Variants in IGF1R observed in about 807,000 individuals in gnomAD.
IGF1R encodes insulin-like growth factor 1 receptor.
A neutral mutation model predicts 144.6 loss-of-function variants in IGF1R; 44 were observed. The ratio of observed to expected loss-of-function variants is 0.30; its 90% CI spans 0.24 to 0.39. The LOEUF (loss-of-function observed/expected upper bound fraction) is 0.39. Ranked by LOEUF, IGF1R falls within the 10% of genes least tolerant of loss-of-function variation. IGF1R has a pLI of 1.00. For missense variants in IGF1R, 1,355 were observed against 1,833.7 expected, an observed-to-expected ratio of 0.74 and a Z score of 4.77; for synonymous variants, 795 against 722.8, an observed-to-expected ratio of 1.10 and a Z score of -1.60.
intron 2 of IGF1R, among the ~76,000 whole-genome samples, chr15:98,782,393 C>CATG (rs1316999836): frequency 6.6e-6 from 1 of 152,066 alleles, no homozygotes; most frequent in Non-Finnish European, 1.5e-5. Flanking sequence ...TTTTAAATGT[C>CATG]ACCATCCCCT....
At chr15:98,816,626 C>A (rs114084550) in intron 2 of IGF1R, among the ~76,000 whole-genome samples, 8 of 152,340 alleles carry the variant, frequency 5.3e-5, no homozygotes, top group African/African-American at 1.9e-4. Flanking sequence ...ATAATAAACA[C>A]TGGGGACTTC....
intron 5 of IGF1R, among the ~76,000 whole-genome samples, chr15:98,906,322 T>C (rs1238272934): frequency 6.6e-6 from 1 of 152,186 alleles, no homozygotes; most frequent in African/African-American, 2.4e-5. Flanking sequence ...GCCTGATTAA[T>C]TGGTCCTTAC....
intron 2 of IGF1R, among the ~76,000 whole-genome samples, chr15:98,848,641 G>T (rs972267912): frequency 3.3e-5 from 5 of 152,098 alleles, no homozygotes; most frequent in African/African-American, 1.2e-4. Flanking sequence ...TTACTCATTT[G>T]TGAATGCCAA....
chr15:98,657,271 T>G (rs1483598485), intron 1 of IGF1R, among the ~76,000 whole-genome samples: 1 of 152,234 alleles, frequency 6.6e-6, no homozygotes, highest in Non-Finnish European at 1.5e-5. Flanking sequence ...AGCGTCTTAG[T>G]GACCTTTGAT....
chr15:98,752,953 T>A (rs2055052623), intron 2 of IGF1R, among the ~76,000 whole-genome samples: 1 of 137,330 alleles, frequency 7.3e-6, no homozygotes. Flanking sequence ...TTTTTTTTTT[T>A]GAGATGGAGT....
At chr15:98,721,685 T>C (rs2054250431) in intron 2 of IGF1R, among the ~76,000 whole-genome samples, 1 of 152,250 alleles carries the variant, frequency 6.6e-6, no homozygotes, top group Non-Finnish European at 1.5e-5. Context: ...GCTCTGGTGC[T>C]GGCCCTGAGA....
intron 2 of IGF1R, among the ~76,000 whole-genome samples, chr15:98,817,436 C>T (rs898338859): frequency 6.6e-6 from 1 of 152,040 alleles, no homozygotes; most frequent in East Asian, 1.9e-4. Flanking sequence ...ACAGTACTGT[C>T]ATCACAATGC....
intron 2 of IGF1R, among the ~76,000 whole-genome samples, chr15:98,797,626 A>G (rs1020451135): frequency 2.0e-5 from 3 of 152,168 alleles, no homozygotes; most frequent in Non-Finnish European, 2.9e-5. Flanking sequence ...GGGGTAAGAC[A>G]GAGCCCTCCC....
In IGF1R at chr15:98,960,485, G is replaced by C. The variant is rs2017179961; in HGVS notation, c.*3043G>C. On this transcript the variant is annotated 3_prime_UTR_variant, in exon 21 of 21. Transcript: ENST00000650285. The stretch of plus-strand genomic sequence containing the variant: ...AATGACCAACACATTTCGTCCTTAA[G>C]AGAGCAGTGGTTCCTCAGGTTCTGA... The C allele has an allele frequency of 4.3e-6, 1 of 233,206 alleles. No individual in the cohort carries two copies. Among genetic ancestry groups the C allele is most frequent in the Non-Finnish European group, 8.5e-6 (1 of 118,070 alleles). The allele number at this position is 233,206 out of a possible 1,614,324, so 14.4% of individuals were successfully genotyped here.
At chr15:98,864,522 T>A (rs2012324243) in intron 2 of IGF1R, among the ~76,000 whole-genome samples, 1 of 152,176 alleles carries the variant, frequency 6.6e-6, no homozygotes, top group Non-Finnish European at 1.5e-5. Flanking sequence ...CCTGAGTAAC[T>A]GCCACTACAG....
At chr15:98,714,369 C>T (rs927305506) in intron 2 of IGF1R, among the ~76,000 whole-genome samples, 4 of 152,214 alleles carry the variant, frequency 2.6e-5, no homozygotes, top group South Asian at 4.2e-4. Flanking sequence ...GAAGGCTGGG[C>T]GCAGTGGCTA....
intron 2 of IGF1R, among the ~76,000 whole-genome samples, chr15:98,712,830 G>C (rs192909128): frequency 6.6e-6 from 1 of 150,620 alleles, no homozygotes; most frequent in African/African-American, 2.4e-5. Flanking sequence ...GGCTGGTCTC[G>C]AACTCCCGAC....
chr15:98,768,628 A>AAT (rs2055498068), intron 2 of IGF1R, among the ~76,000 whole-genome samples: 1 of 146,656 alleles, frequency 6.8e-6, no homozygotes, highest in Non-Finnish European at 1.5e-5. Context: ...AAAAAAAAAA[A>AAT]AATGCCCACA....
chr15:98,650,040 A>C (rs7402982), intron 1 of IGF1R, among the ~76,000 whole-genome samples: 1 of 151,556 alleles, frequency 6.6e-6, no homozygotes, highest in African/African-American at 2.4e-5. Context: ...CGCCCCTTCC[A>C]TGCGCAAGAG....
In IGF1R at chr15:98,913,119, C is replaced by T; in HGVS notation, c.1665C>T (p.Asp555=). The T allele has an allele frequency of 1.2e-6, 2 of 1,614,198 alleles. No homozygotes were observed. The highest frequency in any genetic ancestry group is 1.7e-6 in the Non-Finnish European group (2 of 1,180,008). ...ACAGCTGGAACATGGTGGACGTGGA[C>T]CTCCCGCCCAACAAGGACGTGGAGC... ...GSNSWNMVDV[D]LPPNKDVEPG... The change falls in exon 8 of 21, where the codon GAC becomes GAT. Residue 555 remains aspartate, a synonymous_variant. Transcript: ENST00000650285.
At position 98,891,209 on chromosome 15, in the gene IGF1R, T is replaced by C. The variant is rs1270353966; in HGVS notation, c.641-116T>C. ...GTGTGTTTTTGCATTGTCTCCTCAA[T>C]GAGTGATCTGGTGCTGGTGGTAGCA... On this transcript the variant is annotated intron_variant, in intron 2 of 20. Transcript: ENST00000650285. This position sits in a 1 kb window ranked among gnomAD's most constrained non-coding sequence, Gnocchi z 4.7. 8.7e-6 allele frequency: 8 copies of C among 923,834 alleles called. No homozygotes were observed. In the African/African-American group the frequency reaches 9.8e-5, roughly 11 times the overall value. The allele number at this position is 923,834 out of a possible 1,614,324, so 57.2% of individuals were successfully genotyped here.
At chr15:98,947,331 T>A (rs766794241) in intron 19 of IGF1R, among the ~76,000 whole-genome samples, 20 of 152,222 alleles carry the variant, frequency 1.3e-4, no homozygotes, top group Non-Finnish European at 2.5e-4. Context: ...AACGTTCTCA[T>A]ACAGTCAGGA....
chr15:98,688,577 C>T lies in IGF1R; in HGVS notation c.95-18985C>T, dbSNP rs577491263. ...AGTGTGCTTCATGTTTTCTAGACAG[C>T]ATGAGACCAGAGCTCTCCACCTTGC... is the stretch of plus-strand genomic sequence containing the variant. On this transcript the variant is annotated intron_variant, in intron 1 of 20. Transcript: ENST00000650285. 2.1e-4 allele frequency among the ~76,000 whole-genome samples: 32 copies of T among 152,236 alleles called. 1 individual carries two copies. The South Asian group carries it at 6.4e-3, about 31-fold the overall frequency.
intron 2 of IGF1R, among the ~76,000 whole-genome samples, chr15:98,731,787 C>T (rs573520874): frequency 3.9e-5 from 6 of 152,268 alleles, no homozygotes; most frequent in South Asian, 2.1e-4. Context: ...AGCCGTGAGC[C>T]GGTTGGTCTA....
Sources: allele counts gnomAD v4.1 joint callset (sites outside exome capture counted in the v4.1 genomes callset), GRCh38; gene constraint gnomAD v4.1.1; non-coding constraint Gnocchi (gnomAD v3.1); transcripts MANE v1.5; gene names NCBI Gene and HGNC (gene_info 2026-07-23, HGNC 2026-07-21).